The following RAPGEF4 variants were observed in gnomAD, a reference collection of about 807,000 sequenced individuals.
The protein encoded by RAPGEF4 is RAP guanine-nucleotide-exchange factor (GEF) 4.
A neutral mutation model predicts 147.9 loss-of-function variants in RAPGEF4; 66 were observed. The ratio of observed to expected loss-of-function variants is 0.45; its 90% confidence interval spans 0.37 to 0.55. The LOEUF (loss-of-function observed/expected upper bound fraction) is 0.55, where lower values mean the gene tolerates loss of function less well. Ranked by LOEUF, RAPGEF4 falls within the 20% of genes least tolerant of loss-of-function variation. The pLI, the probability that RAPGEF4 is intolerant of heterozygous loss-of-function variation, is 0.00. For missense variants in RAPGEF4, 1,071 were observed against 1,257.3 expected (o/e 0.85, Z 2.24); for synonymous variants, 419 against 442.7 (o/e 0.95, Z 0.67).
rs575475697 is a variant in RAPGEF4 at position 172,967,245 on chromosome 2, T to G, written c.821-16T>G. On this transcript the variant is annotated splice_polypyrimidine_tract_variant and intron_variant, in intron 9 of 30. Transcript: ENST00000397081. Reference sequence around the variant, plus strand: ...CGAGGTGCTGCAGCTGACACGTGCTTCCATGTTTCCCATAGTGGACCAGGA... The same window carrying G: ...CGAGGTGCTGCAGCTGACACGTGCTGCCATGTTTCCCATAGTGGACCAGGA... 6.2e-7 allele frequency: 1 copy of G among 1,607,604 alleles called. No individual in the cohort carries two copies. Among genetic ancestry groups the G allele is most frequent in the Admixed American group, 1.7e-5 (1 of 59,716 alleles).
Position 173,027,109 on chromosome 2 carries a change from G to A in RAPGEF4, c.2408G>A (p.Arg803Lys), listed in dbSNP as rs1198451235. The A allele has an allele frequency of 1.9e-6, 3 of 1,606,286 alleles. No homozygotes were observed. The highest frequency in any genetic ancestry group is 1.7e-6 in the Non-Finnish European group (2 of 1,177,944). The change falls in exon 25 of 31, where the codon AGG becomes AAG. Residue 803 changes from arginine to lysine, a missense_variant. Coordinates refer to ENST00000397081, the MANE Select transcript of RAPGEF4 (RefSeq NM_007023.4). ...ELELIYHTFG[R>K]HNFKKTTANL... ...GAGCTAATCTATCACACATTTGGAAGGCATAATTTTAAAAAGACCACAGCA... is the reference window on the plus strand; with the variant it reads ...GAGCTAATCTATCACACATTTGGAAAGCATAATTTTAAAAAGACCACAGCA...
intron 4 of RAPGEF4, among the ~76,000 whole-genome samples, chr2:172,858,380 T>C (rs991160939): frequency 5.3e-5 from 8 of 152,222 alleles, no homozygotes; most frequent in African/African-American, 1.9e-4. Context: ...TCATGTATGT[T>C]ACTTTCAAAC....
chr2:172,906,550 G>A (rs1377963730), intron 4 of RAPGEF4, among the ~76,000 whole-genome samples: 1 of 152,206 alleles, frequency 6.6e-6, no homozygotes, highest in African/African-American at 2.4e-5. Flanking sequence ...GATAGCCCAG[G>A]AGGAGGGGGA....
chr2:172,878,579 G>A (rs1429872213), intron 4 of RAPGEF4, among the ~76,000 whole-genome samples: 1 of 152,166 alleles, frequency 6.6e-6, no homozygotes, highest in East Asian at 1.9e-4. Context: ...ATTTCACTGA[G>A]AGCCATCAGA....
intron 1 of RAPGEF4, among the ~76,000 whole-genome samples, chr2:172,776,343 G>A (rs531907798): frequency 6.6e-6 from 1 of 152,236 alleles, no homozygotes; most frequent in East Asian, 1.9e-4. Flanking sequence ...TTAACAAGGA[G>A]GGGAAATAAA....
chr2:172,943,997 G>A (rs935891637), intron 6 of RAPGEF4, among the ~76,000 whole-genome samples: 15 of 152,266 alleles, frequency 9.9e-5, no homozygotes, highest in Non-Finnish European at 1.3e-4. Context: ...TTATTTATGG[G>A]ATTTGCAAAC....
intron 6 of RAPGEF4, among the ~76,000 whole-genome samples, chr2:172,947,104 G>A (rs946543805): frequency 1.3e-5 from 2 of 152,316 alleles, no homozygotes; most frequent in Admixed American, 6.5e-5. Context: ...ACAACTGTGT[G>A]TTGTTAAGAC....
intron 1 of RAPGEF4, among the ~76,000 whole-genome samples, chr2:172,772,749 G>A (rs1456881758): frequency 2.0e-5 from 3 of 152,214 alleles, no homozygotes; most frequent in African/African-American, 7.2e-5. Context: ...GTGTGCTTTG[G>A]TACCAGGTGC....
intron 15 of RAPGEF4, among the ~76,000 whole-genome samples, chr2:172,991,279 G>T (rs998130730): frequency 6.6e-6 from 1 of 152,194 alleles, no homozygotes; most frequent in African/African-American, 2.4e-5. Context: ...TGGGTGATGA[G>T]AACTTTTGGT....
chr2:172,813,192 C>T (rs1688184323), intron 3 of RAPGEF4, among the ~76,000 whole-genome samples: 1 of 152,110 alleles, frequency 6.6e-6, no homozygotes, highest in African/African-American at 2.4e-5. Context: ...ATAACATTTG[C>T]CTATTATCGT....
At chr2:172,784,735 T>C (rs910617014) in intron 1 of RAPGEF4, among the ~76,000 whole-genome samples, 1 of 152,224 alleles carries the variant, frequency 6.6e-6, no homozygotes, top group Admixed American at 6.5e-5. Flanking sequence ...ACTTTTGCTA[T>C]ATCCATGTCA....
chr2:172,801,447 C>G (rs1259206047), intron 3 of RAPGEF4, among the ~76,000 whole-genome samples: 1 of 152,120 alleles, frequency 6.6e-6, no homozygotes, highest in Non-Finnish European at 1.5e-5. Context: ...AAACTTAGCA[C>G]TAGGTTTCAG....
chr2:173,008,647 A>G (rs752304512), intron 17 of RAPGEF4, among the ~76,000 whole-genome samples: 2 of 152,232 alleles, frequency 1.3e-5, no homozygotes, highest in Non-Finnish European at 2.9e-5. Context: ...AAAAGTATAC[A>G]TAATATTTTA....
chr2:172,944,937 A>G (rs1687539611), intron 6 of RAPGEF4, among the ~76,000 whole-genome samples: 3 of 152,206 alleles, frequency 2.0e-5, no homozygotes, highest in Admixed American at 6.5e-5. Flanking sequence ...CCAGGTTTCT[A>G]AAGTATGCGT....
chr2:172,907,504 G>A (rs990541930), intron 4 of RAPGEF4, among the ~76,000 whole-genome samples: 31 of 152,156 alleles, frequency 2.0e-4, no homozygotes, highest in African/African-American at 7.2e-4. Flanking sequence ...TCTCTCTTGT[G>A]CTCTTCGTTT....
chr2:172,775,804 G>A (rs1163586448), intron 1 of RAPGEF4, among the ~76,000 whole-genome samples: 1 of 152,186 alleles, frequency 6.6e-6, no homozygotes, highest in African/African-American at 2.4e-5. Flanking sequence ...CTTTAAGACT[G>A]AGGGTTGTTG....
chr2:172,984,658 C>T (rs1281200530), intron 11 of RAPGEF4, among the ~76,000 whole-genome samples: 1 of 152,154 alleles, frequency 6.6e-6, no homozygotes, highest in Non-Finnish European at 1.5e-5. Context: ...ACCTGGGAAG[C>T]CCTCATATAT....
intron 3 of RAPGEF4, among the ~76,000 whole-genome samples, chr2:172,797,987 C>G (rs1686556329): frequency 6.6e-6 from 1 of 152,180 alleles, no homozygotes; most frequent in Non-Finnish European, 1.5e-5. Flanking sequence ...CTTTCTCCAT[C>G]TTTGTATCTT....
chr2:172,863,732 C>G (rs1694285956), intron 4 of RAPGEF4, among the ~76,000 whole-genome samples: 1 of 152,096 alleles, frequency 6.6e-6, no homozygotes, highest in African/African-American at 2.4e-5. Context: ...CCCCAACTGG[C>G]AAAAAGGTTG....
Sources: allele counts gnomAD v4.1 joint callset (sites outside exome capture counted in the v4.1 genomes callset), GRCh38; gene constraint gnomAD v4.1.1; transcripts MANE v1.5; gene names NCBI Gene and HGNC (gene_info 2026-07-23, HGNC 2026-07-21).